Variants in SCML4 observed in about 807,000 individuals in gnomAD.
SCML4 encodes the protein sex comb on midleg-like protein 4.
SCML4 carries 34 observed loss-of-function variants against 41.1 expected under a neutral mutation model. The ratio of observed to expected loss-of-function variants is 0.83; its 90% confidence interval spans 0.63 to 1.10. The LOEUF is 1.10. Among genes scored for constraint, SCML4 ranks in the 50% least tolerant of loss-of-function variants. The pLI is 0.00. For synonymous variants in SCML4, 214 were observed against 220.9 expected (o/e 0.97, Z 0.28); for missense variants, 522 against 534.1 (o/e 0.98, Z 0.22).
intron 5 of SCML4, among the ~76,000 whole-genome samples, chr6:107,735,907 C>G (rs987969706): frequency 1.3e-5 from 2 of 152,132 alleles, no homozygotes; most frequent in African/African-American, 4.8e-5. Context: ...ATCTCCATAA[C>G]TCGTCTTGTA....
chr6:107,708,116 C>T, intron 6 of SCML4, 105 bp from the exon 7 acceptor site: 26 of 1,346,376 alleles, frequency 1.9e-5, no homozygotes, highest in Non-Finnish European at 2.5e-5. Flanking sequence ...TCCTCAGTGC[C>T]CATGAGTCCA....
chr6:107,823,014 T>TAAA (rs11423518), intron 1 of SCML4, among the ~76,000 whole-genome samples: 11 of 146,968 alleles, frequency 7.5e-5, no homozygotes, highest in African/African-American at 2.5e-4. Context: ...TATTTTGCTT[T>TAAA]AAAAAAAAAA....
At chr6:107,758,154 C>T (rs1161457698) in intron 2 of SCML4, among the ~76,000 whole-genome samples, 1 of 152,212 alleles carries the variant, frequency 6.6e-6, no homozygotes, top group Non-Finnish European at 1.5e-5. Context: ...GAAGATTCAG[C>T]TGTGAATGGG....
chr6:107,797,772 C>G (rs2139083), intron 1 of SCML4, among the ~76,000 whole-genome samples: 137,347 of 151,960 alleles, frequency 0.9, 63,542 homozygotes, highest in Non-Finnish European at 1. Context: ...CATAGATGCT[C>G]TTTATCAAAT....
At chr6:107,812,865 T>TTACACACA (rs1200974286) in intron 1 of SCML4, among the ~76,000 whole-genome samples, 7 of 103,782 alleles carry the variant, frequency 6.7e-5, no homozygotes, top group African/African-American at 2.3e-4. Flanking sequence ...GTAGAGCTCT[T>TTACACACA]TACACACAGA....
Position 107,705,136 on chromosome 6 carries a change from G to T in SCML4, c.*64C>A. Reference sequence around the variant, plus strand: ...TAGTTTGTGATGTTGGCGGGATATTGGTAAGGCAGAAGATAATCTTGGGAT... The same window carrying T: ...TAGTTTGTGATGTTGGCGGGATATTTGTAAGGCAGAAGATAATCTTGGGAT... On this transcript the variant is annotated 3_prime_UTR_variant, in exon 8 of 8. Coordinates refer to ENST00000369020, the MANE Select transcript of SCML4 (RefSeq NM_198081.5). 2.8e-6 allele frequency: 4 copies of T among 1,423,684 alleles called. No individual in the cohort carries two copies. The highest frequency in any genetic ancestry group is 3.9e-6 in the Non-Finnish European group (4 of 1,030,916). 88.2% of individuals were successfully genotyped at this position (1,423,684 alleles called of 1,614,324 possible). A position where few individuals can be genotyped will look rare whatever the true frequency, so the allele number is the denominator to read the frequency against.
At chr6:107,810,115 T>C (rs1212400965) in intron 1 of SCML4, among the ~76,000 whole-genome samples, 1 of 152,170 alleles carries the variant, frequency 6.6e-6, no homozygotes, top group African/African-American at 2.4e-5. Context: ...CATCAGCCTC[T>C]GTCCTGGAGG....
intron 6 of SCML4, among the ~76,000 whole-genome samples, chr6:107,709,215 A>G (rs925844004): frequency 1.6e-4 from 24 of 152,150 alleles, no homozygotes; most frequent in Non-Finnish European, 3.4e-4. Context: ...TTCTACCTCA[A>G]GGTCAAGGGC....
chr6:107,749,064 A>C (rs1490129956), intron 3 of SCML4, among the ~76,000 whole-genome samples: 2 of 152,002 alleles, frequency 1.3e-5, no homozygotes, highest in African/African-American at 4.8e-5. Flanking sequence ...GACTGAAGGG[A>C]TTTAAATGGG....
rs1017125710 is a variant in SCML4, at chr6:107,748,627, A to G, written c.286+1057T>C. On this transcript the variant is annotated intron_variant, in intron 3 of 7. Transcript: ENST00000369020. ...AAGAAAAATCTAATAAGAGACCTTC[A>G]TACAGGCACTATGCCATGCCCTACA... Among the ~76,000 whole-genome samples the G allele has an allele frequency of 1.1e-4, 16 of 152,372 alleles. No homozygotes were observed. In the East Asian group the frequency reaches 1.9e-3, roughly 18 times the overall value.
At chr6:107,812,272 ACAGT>A (rs1476352154) in intron 1 of SCML4, among the ~76,000 whole-genome samples, 1 of 152,196 alleles carries the variant, frequency 6.6e-6, no homozygotes, top group Non-Finnish European at 1.5e-5. Context: ...ATTATGGAAG[ACAGT>A]CAGAGGATCA....
chr6:107,830,409 C>A, the SCML4 span, among the ~76,000 whole-genome samples: 765 of 152,252 alleles, frequency 5.0e-3, 2 homozygotes, highest in Admixed American at 8.6e-3. Context: ...AGACCCTTAT[C>A]CCAGGGGCAG....
At chr6:107,782,503 A>C (rs1477527946) in intron 1 of SCML4, among the ~76,000 whole-genome samples, 4 of 152,226 alleles carry the variant, frequency 2.6e-5, no homozygotes, top group African/African-American at 9.6e-5. Flanking sequence ...GGCACTGTGG[A>C]GATTGCACGT....
At chr6:107,722,088 G>A (rs1775487416) in intron 5 of SCML4, among the ~76,000 whole-genome samples, 1 of 149,758 alleles carries the variant, frequency 6.7e-6, no homozygotes, top group Non-Finnish European at 1.5e-5. Context: ...CTCTCTGGTT[G>A]AAGCGATTCT....
At chr6:107,780,004 T>C (rs977250828) in intron 1 of SCML4, among the ~76,000 whole-genome samples, 1 of 152,178 alleles carries the variant, frequency 6.6e-6, no homozygotes, top group Non-Finnish European at 1.5e-5. Context: ...TGTACATCCA[T>C]GGAGGCCAGG....
chr6:107,792,861 TG>T (rs2114617143), intron 1 of SCML4, among the ~76,000 whole-genome samples: 1 of 152,340 alleles, frequency 6.6e-6, no homozygotes, highest in South Asian at 2.1e-4. Context: ...GATTTTGGTG[TG>T]GGCCATTTTA....
At chr6:107,816,061 C>T (rs1030223386) in intron 1 of SCML4, among the ~76,000 whole-genome samples, 2 of 152,170 alleles carry the variant, frequency 1.3e-5, no homozygotes, top group Admixed American at 1.3e-4. Context: ...GACACGGACG[C>T]CCCGGCCACT....
intron 4 of SCML4, 194 bp downstream of exon 4, chr6:107,746,495 T>C (rs1319430348): frequency 8.0e-6 from 4 of 502,392 alleles, no homozygotes; most frequent in African/African-American, 7.9e-5. Context: ...TCCAGTCTTC[T>C]TACCCGGGCA....
intron 5 of SCML4, among the ~76,000 whole-genome samples, chr6:107,726,532 C>CAAAAAAAAAAAAAAAAA (rs59013088): frequency 1.4e-5 from 1 of 72,394 alleles, no homozygotes; most frequent in East Asian, 3.9e-4. Context: ...GACTCCATCT[C>CAAAAAAAAAAAAAAAAA]AAAAAAAAAA....
Sources: allele counts gnomAD v4.1 joint callset (sites outside exome capture counted in the v4.1 genomes callset), GRCh38; gene constraint gnomAD v4.1.1; transcripts MANE v1.5; gene names NCBI Gene and HGNC (gene_info 2026-07-23, HGNC 2026-07-21).